The following C5AR2 variants were observed in gnomAD, a reference collection of about 807,000 sequenced individuals.
C5AR2 encodes C5a anaphylatoxin chemotactic receptor 2.
For missense variants in C5AR2, 458 were observed against 467.5 expected (o/e 0.98, Z 0.19); for synonymous variants, 224 against 216.5 (o/e 1.03, Z -0.30).
At chr19:47,339,281 C>T (rs1039132150) in intron 1 of C5AR2, among the ~76,000 whole-genome samples, 1 of 152,042 alleles carries the variant, frequency 6.6e-6, no homozygotes, top group African/African-American at 2.4e-5. Context: ...CATGCCGTGG[C>T]CCCTGATAAC....
Position 47,346,132 on chromosome 19 carries a change from G to C in C5AR2, c.*4319G>C, listed in dbSNP as rs1181702269. 1 of 151,694 alleles carries C rather than the reference G, an allele frequency of 6.6e-6. No individual in the cohort carries two copies. Among genetic ancestry groups the C allele is most frequent in the Non-Finnish European group, 1.5e-5 (1 of 67,968 alleles). 9.4% of individuals were successfully genotyped at this position (151,694 alleles called of 1,614,324 possible). ...CTTGAACTCCTGACTCAGGTGATCT[G>C]CCCACCTCGGCCTCCCAAAGTGCTG... On this transcript the variant is annotated 3_prime_UTR_variant, in exon 2 of 2. Transcript: ENST00000595464.
At position 47,345,406 on chromosome 19, in the gene C5AR2, C is replaced by T. The variant is rs1969105165; in HGVS notation, c.*3593C>T. 1 of 145,158 alleles carries T rather than the reference C, an allele frequency of 6.9e-6. No homozygotes were observed. The highest frequency in any genetic ancestry group is 1.5e-5 in the Non-Finnish European group (1 of 68,280). The allele number at this position is 145,158 out of a possible 1,614,324, so 9.0% of individuals were successfully genotyped here. On this transcript the variant is annotated 3_prime_UTR_variant, in exon 2 of 2. Transcript: ENST00000595464. Reference sequence around the variant, plus strand: ...TGAGACGGAGTTTCACTCTTGTTGCCCAGGCTGGAGTGCAATGGCACGATC... The same window carrying T: ...TGAGACGGAGTTTCACTCTTGTTGCTCAGGCTGGAGTGCAATGGCACGATC...
intron 1 of C5AR2, among the ~76,000 whole-genome samples, chr19:47,333,154 G>A (rs887586813): frequency 1.3e-5 from 2 of 151,546 alleles, no homozygotes; most frequent in Non-Finnish European, 2.9e-5. Context: ...ACAGGTGCAC[G>A]CCACCACACC....
rs775541985 is a variant in C5AR2, at chr19:47,341,268, G to A, written c.469G>A (p.Ala157Thr). The A allele has an allele frequency of 1.9e-6, 3 of 1,604,810 alleles. No individual in the cohort carries two copies. Among genetic ancestry groups the A allele is most frequent in the East Asian group, 4.5e-5 (2 of 44,864 alleles). Residue 157 changes from alanine (A) to threonine (T), a missense_variant, in exon 2 of 2, where the codon GCA becomes ACA. Physicochemically the swap from Ala to Thr is moderately conservative, Grantham distance 58. Transcript: ENST00000595464. This position sits in a 1 kb window ranked among gnomAD's most constrained non-coding sequence, Gnocchi z 4.6. ...GTGCGGGGTGCAGGTGGCCTGTGGG[G>A]CAGCCTGGACACTGGCCTTGCTGCT... ...RACGVQVACG[A>T]AWTLALLLTV...
rs202152698 is a variant in C5AR2, at chr19:47,341,632, G to T, written c.833G>T (p.Gly278Val). Residue 278 changes from glycine to valine, a missense_variant, in exon 2 of 2, where the codon GGC becomes GTC. Transcript: ENST00000595464. This position sits in a 1 kb window ranked among gnomAD's most constrained non-coding sequence, Gnocchi z 4.6. Reference sequence around the variant, plus strand: ...CTGCGGGCTGAACCCCTCATCGTGGGCCTTGCCCTCGCTCACAGCTGCCTC... The same window carrying T: ...CTGCGGGCTGAACCCCTCATCGTGGTCCTTGCCCTCGCTCACAGCTGCCTC... Reference protein sequence around the residue: ...RALRAEPLIVGLALAHSCLNP... With the variant: ...RALRAEPLIVVLALAHSCLNP... The T allele has an allele frequency of 1.2e-5, 19 of 1,614,042 alleles. No homozygotes were observed. The highest frequency in any genetic ancestry group is 1.7e-5 in the Admixed American group (1 of 60,010).
chr19:47,333,249 C>T (rs2059346030), intron 1 of C5AR2, among the ~76,000 whole-genome samples: 2 of 150,888 alleles, frequency 1.3e-5, no homozygotes, highest in Admixed American at 6.6e-5. Flanking sequence ...AGGTGATCCA[C>T]CTACCTTGGC....
chr19:47,341,851 A>C lies in C5AR2; in HGVS notation c.*38A>C. ...TTGTGGGTGTGTATCTTCTTATCTC[A>C]TTTCACAAGACTGGCTTCAGGCATA... On this transcript the variant is annotated 3_prime_UTR_variant, in exon 2 of 2. Coordinates refer to ENST00000595464, the MANE Select transcript of C5AR2 (RefSeq NM_001271749.2). The surrounding 1 kb of genome is among the most constrained non-coding windows in gnomAD (Gnocchi z 4.6). 1.1e-4 allele frequency: 179 copies of C among 1,574,934 alleles called. No homozygotes were observed. The highest frequency in any genetic ancestry group is 1.4e-4 in the Non-Finnish European group (164 of 1,148,824).
At position 47,344,918 on chromosome 19, in the gene C5AR2, C is replaced by CGCTG. The variant is rs1969097633; in HGVS notation, c.*3106_*3109dup. 1 of 152,056 alleles carries CGCTG rather than the reference C, an allele frequency of 6.6e-6. No individual in the cohort carries two copies. The highest frequency in any genetic ancestry group is 2.4e-5 in the African/African-American group (1 of 41,370). The allele number at this position is 152,056 out of a possible 1,614,324, so 9.4% of individuals were successfully genotyped here. ...CCTCCCGAGTAGCTGGGATTACAGGCGCTGCCACCACACTTGGCTAATTTT... is the reference window on the plus strand; with the variant it reads ...CCTCCCGAGTAGCTGGGATTACAGGCGCTGGCTGCCACCACACTTGGCTAATTTT... On this transcript the variant is annotated 3_prime_UTR_variant, in exon 2 of 2. Coordinates refer to ENST00000595464, the MANE Select transcript of C5AR2 (RefSeq NM_001271749.2).
rs1969122434 is a variant in C5AR2 at position 47,346,557 on chromosome 19, T to G, written c.*4744T>G. 6.6e-6 allele frequency: 1 copy of G among 151,820 alleles called. No individual in the cohort carries two copies. Among genetic ancestry groups the G allele is most frequent in the Admixed American group, 6.6e-5 (1 of 15,228 alleles). 9.4% of individuals were successfully genotyped at this position (151,820 alleles called of 1,614,324 possible). Reference sequence around the variant, plus strand: ...TGTCTCTACTAAAAATACAAAAAATTAGCCAGGCGTGTTGGCGGGAGCCTG... The same window carrying G: ...TGTCTCTACTAAAAATACAAAAAATGAGCCAGGCGTGTTGGCGGGAGCCTG... On this transcript the variant is annotated 3_prime_UTR_variant, in exon 2 of 2. Coordinates refer to ENST00000595464, the MANE Select transcript of C5AR2 (RefSeq NM_001271749.2).
Position 47,340,890 on chromosome 19 carries a change from A to G in C5AR2, c.91A>G (p.Ile31Val), listed in dbSNP as rs1969004547. ...CTGCCTGGATGGCGCCTGCCTGGCC[A>G]TCGACCCGCTGCGCGTGGCCCCGCT... ...VDCLDGACLA[I>V]DPLRVAPLPL... The change falls in exon 2 of 2, where the codon ATC (isoleucine) becomes GTC (valine). Residue 31 changes from isoleucine (I) to valine (V), a missense_variant. By Grantham distance (29) the Ile-to-Val change is conservative (BLOSUM62 3). Coordinates refer to ENST00000595464, the MANE Select transcript of C5AR2 (RefSeq NM_001271749.2). 1.2e-6 allele frequency: 2 copies of G among 1,613,160 alleles called. No individual in the cohort carries two copies. Among genetic ancestry groups the G allele is most frequent in the African/African-American group, 1.3e-5 (1 of 74,892 alleles).
chr19:47,339,956 C>A (rs1260882483), intron 1 of C5AR2, among the ~76,000 whole-genome samples: 1 of 151,872 alleles, frequency 6.6e-6, no homozygotes, highest in Admixed American at 6.6e-5. Flanking sequence ...TTCTTTCTTT[C>A]TTTTCCTATT....
intron 1 of C5AR2, among the ~76,000 whole-genome samples, chr19:47,338,506 A>G (rs2059367859): frequency 6.7e-6 from 1 of 149,974 alleles, no homozygotes; most frequent in Non-Finnish European, 1.5e-5. Context: ...GGCTTCCAAT[A>G]ATAATAATTT....
In C5AR2 at chr19:47,346,898, C is replaced by G. The variant is rs896880371; in HGVS notation, c.*5085C>G. The G allele has an allele frequency of 2.0e-5, 3 of 152,202 alleles. No homozygotes were observed. Among genetic ancestry groups the G allele is most frequent in the African/African-American group, 7.2e-5 (3 of 41,454 alleles). The allele number at this position is 152,202 out of a possible 1,614,324, so 9.4% of individuals were successfully genotyped here. On this transcript the variant is annotated 3_prime_UTR_variant, in exon 2 of 2. Transcript: ENST00000595464. ...AAATCCTCCCATTAATCTATTGGGA[C>G]CAGTTGCCACTTAGGAGCATTCTTT...
At position 47,341,239 on chromosome 19, in the gene C5AR2, G is replaced by A. The variant is rs1200532265; in HGVS notation, c.440G>A (p.Arg147Gln). The A allele has an allele frequency of 5.0e-6, 8 of 1,602,144 alleles. No homozygotes were observed. The East Asian group carries it at 6.7e-5, about 13-fold the overall frequency. ...CCTGCCTGGTGGTCTACGGTTCAGC[G>A]GGCGTGCGGGGTGCAGGTGGCCTGT... is the stretch of plus-strand genomic sequence containing the variant. The part of the protein sequence containing the change: ...LGPAWWSTVQ[R>Q]ACGVQVACGA... The change falls in exon 2 of 2, where the codon CGG becomes CAG. Residue 147 changes from arginine (R) to glutamine (Q), a missense_variant. Arg to Gln is a conservative substitution (Grantham distance 43). Coordinates refer to ENST00000595464, the MANE Select transcript of C5AR2 (RefSeq NM_001271749.2). The surrounding 1 kb of genome is among the most constrained non-coding windows in gnomAD (Gnocchi z 4.6).
chr19:47,337,528 G>A (rs1454704548), intron 1 of C5AR2, among the ~76,000 whole-genome samples: 2 of 152,062 alleles, frequency 1.3e-5, no homozygotes, highest in East Asian at 3.9e-4. Flanking sequence ...TGGGCATGGT[G>A]GCGGGTGCCT....
At chr19:47,334,687 G>A (rs2059350787) in intron 1 of C5AR2, among the ~76,000 whole-genome samples, 1 of 148,182 alleles carries the variant, frequency 6.7e-6, no homozygotes, top group Non-Finnish European at 1.5e-5. Context: ...AAATCAAATT[G>A]GATTTAATAC....
At chr19:47,333,584 CTTTTTTTTTT>C (rs34383862) in intron 1 of C5AR2, among the ~76,000 whole-genome samples, 3 of 124,448 alleles carry the variant, frequency 2.4e-5, no homozygotes, top group African/African-American at 9.6e-5. Flanking sequence ...GTTCAGACTC[CTTTTTTTTTT>C]TTTTTTTTTT....
Position 47,341,031 on chromosome 19 carries a change from G to A in C5AR2, c.232G>A (p.Val78Met), listed in dbSNP as rs141880373. The A allele has an allele frequency of 2.1e-5, 34 of 1,607,702 alleles. No individual in the cohort carries two copies. In the Admixed American group the frequency reaches 2.5e-4, roughly 12 times the overall value. The change falls in exon 2 of 2, where the codon GTG (valine) becomes ATG (methionine). Residue 78 changes from valine (V) to methionine (M), a missense_variant. Coordinates refer to ENST00000595464, the MANE Select transcript of C5AR2 (RefSeq NM_001271749.2). The surrounding 1 kb of genome is among the most constrained non-coding windows in gnomAD (Gnocchi z 4.6). ...VGATWLLHLA[V>M]ADLLCCLSLP... The stretch of plus-strand genomic sequence containing the variant: ...TGCCACCTGGTTGCTCCACCTGGCC[G>A]TGGCGGATTTGCTGTGCTGTTTGTC...
chr19:47,339,747 G>A (rs1037654028), intron 1 of C5AR2, among the ~76,000 whole-genome samples: 3 of 151,900 alleles, frequency 2.0e-5, no homozygotes, highest in Admixed American at 6.6e-5. Context: ...GGCTGTTCTC[G>A]ATGCCTGAAA....
Sources: gnomAD v4.1 joint callset for allele counts (sites outside exome capture counted in the v4.1 genomes callset) on GRCh38, gnomAD v4.1.1 for gene constraint, Gnocchi (gnomAD v3.1) non-coding constraint, MANE v1.5 for transcripts, NCBI Gene and HGNC (gene_info 2026-07-23, HGNC 2026-07-21) for gene names.